OR5M11: variants seen among roughly 807,000 people sequenced by gnomAD.
The protein encoded by OR5M11 is olfactory receptor family 5 subfamily M member 11.
For missense variants in OR5M11, 411 were observed against 375.8 expected (o/e 1.09, Z -0.77); for synonymous variants, 183 against 147.7 (o/e 1.24, Z -1.73).
Position 56,542,422 on chromosome 11 carries a change from A to G in OR5M11, c.836T>C (p.Phe279Ser), listed in dbSNP as rs1322631953. The change falls in exon 1 of 1, where the codon TTT becomes TCT. Residue 279 changes from phenylalanine to serine, a missense_variant. Transcript: ENST00000528616. ...ESKIIAVFYT[F>S]VSPVLNPLIY... ...CAATGGATTAAGTACCGGACTCACA[A>G]AGGTGTAAAAGACAGCTATTATTTT... 3 of 1,613,466 alleles carry G rather than the reference A, an allele frequency of 1.9e-6. No individual in the cohort carries two copies. The highest frequency in any genetic ancestry group is 2.5e-6 in the Non-Finnish European group (3 of 1,179,568).
Position 56,542,433 on chromosome 11 carries a change from G to C in OR5M11, c.825C>G (p.Val275=). The change falls in exon 1 of 1, where the codon GTC becomes GTG. Residue 275 remains valine, a synonymous_variant. Transcript: ENST00000528616. The part of the protein sequence containing the change: ...KTVEESKIIA[V]FYTFVSPVLN... ...GTACCGGACTCACAAAGGTGTAAAA[G>C]ACAGCTATTATTTTAGATTCCTCAA... is the stretch of plus-strand genomic sequence containing the variant. 6.2e-7 allele frequency: 1 copy of C among 1,613,536 alleles called. No homozygotes were observed. Among genetic ancestry groups the C allele is most frequent in the Non-Finnish European group, 8.5e-7 (1 of 1,179,496 alleles).
At position 56,542,852 on chromosome 11, in the gene OR5M11, A is replaced by T. The variant is rs764018612; in HGVS notation, c.406T>A (p.Ser136Thr). ...YDPLRYSVKT[S>T]RRVCICLATF... ...GCCAAGCAGATGCAAACTCTCCTGG[A>T]CGTTTTCACACTGTAGCGCAGAGGG... Residue 136 changes from serine (S) to threonine (T), a missense_variant, in exon 1 of 1, where the codon TCC (serine) becomes ACC (threonine). Transcript: ENST00000528616. 92 of 1,614,014 alleles carry T rather than the reference A, an allele frequency of 5.7e-5. No individual in the cohort carries two copies. Among genetic ancestry groups the T allele is most frequent in the Non-Finnish European group, 7.5e-5 (89 of 1,179,984 alleles).
Position 56,543,149 on chromosome 11 carries a change from C to G in OR5M11, c.109G>C (p.Val37Leu). ...ATGCCCAGGTTGCCTAGCAGGGTGA[C>G]GAGGTAAACAACCAGAAACAGCACA... is the stretch of plus-strand genomic sequence containing the variant. ...LFVLFLVVYL[V>L]TLLGNLGMIM... The change falls in exon 1 of 1, where the codon GTC (valine) becomes CTC (leucine). Residue 37 changes from valine to leucine, a missense_variant. Transcript: ENST00000528616. 1 of 1,613,780 alleles carries G rather than the reference C, an allele frequency of 6.2e-7. No individual in the cohort carries two copies. Among genetic ancestry groups the G allele is most frequent in the Non-Finnish European group, 8.5e-7 (1 of 1,179,858 alleles).
In OR5M11 at chr11:56,542,905, G is replaced by A. The variant is rs147148807; in HGVS notation, c.353C>T (p.Ala118Val). ...ATATATGGCCACATAGCGGTCATAG[G>A]CCATTGCTGCCAGCATGTAAAACTC... ...LTEFYMLAAM[A>V]YDRYVAIYDP... is the part of the protein sequence containing the mutation. Residue 118 changes from alanine to valine, a missense_variant, in exon 1 of 1, where the codon GCC becomes GTC. Ala to Val is a moderately conservative substitution (Grantham distance 64). Transcript: ENST00000528616. The A allele has an allele frequency of 2.2e-5, 36 of 1,614,002 alleles. No homozygotes were observed. The African/African-American group carries it at 2.9e-4, about 13-fold the overall frequency.
rs115641774 is a variant in OR5M11, at chr11:56,543,135, G to T, written c.123C>A (p.Gly41=). The T allele has an allele frequency of 9.5e-4, 1,537 of 1,613,934 alleles. 17 individuals carry two copies. In the African/African-American group the frequency reaches 0.018, roughly 19 times the overall value. ...FLVVYLVTLL[G]NLGMIMLMRL... ...TCATTAACATTATCATGCCCAGGTTGCCTAGCAGGGTGACGAGGTAAACAA... is the reference window on the plus strand; with the variant it reads ...TCATTAACATTATCATGCCCAGGTTTCCTAGCAGGGTGACGAGGTAAACAA... The change falls in exon 1 of 1, where the codon GGC becomes GGA. Residue 41 remains glycine, a synonymous_variant. Transcript: ENST00000528616.
At position 56,542,793 on chromosome 11, in the gene OR5M11, T is replaced by C. The variant is rs753744753; in HGVS notation, c.465A>G (p.Gly155=). Reference sequence around the variant, plus strand: ...GGAAGGTCAGGATGGCCTGGAAGAGTCCATCTGAGAAGCCATAGACATAGG... The same window carrying C: ...GGAAGGTCAGGATGGCCTGGAAGAGCCCATCTGAGAAGCCATAGACATAGG... ...TFPYVYGFSD[G]LFQAILTFRL... Residue 155 remains glycine (G), a synonymous_variant, in exon 1 of 1, where the codon GGA becomes GGG. Transcript: ENST00000528616. 6.2e-7 allele frequency: 1 copy of C among 1,613,290 alleles called. No homozygotes were observed. Among genetic ancestry groups the C allele is most frequent in the African/African-American group, 1.3e-5 (1 of 74,892 alleles).
chr11:56,543,065 T>C lies in OR5M11; in HGVS notation c.193A>G (p.Asn65Asp), dbSNP rs375067123. 45 of 1,613,638 alleles carry C rather than the reference T, an allele frequency of 2.8e-5. No homozygotes were observed. In the African/African-American group the frequency reaches 5.7e-4, roughly 21 times the overall value. ...TAGCACAAATCCACAAAGGCTAAGT[T>C]AGTGAGGAAGAAGTACATGGGCGTG... The part of the protein sequence containing the change: ...LHTPMYFFLT[N>D]LAFVDLCYTS... The change falls in exon 1 of 1, where the codon AAC (asparagine) becomes GAC (aspartate). Residue 65 changes from asparagine to aspartate, a missense_variant. Coordinates refer to ENST00000528616, the MANE Select transcript of OR5M11 (RefSeq NM_001005245.1).
At position 56,542,884 on chromosome 11, in the gene OR5M11, A is replaced by G. The variant is rs1852854944; in HGVS notation, c.374T>C (p.Ile125Thr). ...AAMAYDRYVAIYDPLRYSVKT... is the reference protein window; with the variant it reads ...AAMAYDRYVATYDPLRYSVKT... ...CACACTGTAGCGCAGAGGGTCATAT[A>G]TGGCCACATAGCGGTCATAGGCCAT... is the stretch of plus-strand genomic sequence containing the variant. The change falls in exon 1 of 1, where the codon ATA becomes ACA. Residue 125 changes from isoleucine to threonine, a missense_variant. Transcript: ENST00000528616. 8.1e-6 allele frequency: 13 copies of G among 1,614,116 alleles called. No homozygotes were observed. The highest frequency in any genetic ancestry group is 1.1e-5 in the Non-Finnish European group (13 of 1,180,020).
Position 56,542,513 on chromosome 11 carries a change from G to A in OR5M11, c.745C>T (p.Leu249=). 2 of 1,613,978 alleles carry A rather than the reference G, an allele frequency of 1.2e-6. No individual in the cohort carries two copies. The highest frequency in any genetic ancestry group is 2.7e-5 in the African/African-American group (2 of 75,040). The change falls in exon 1 of 1, where the codon CTG becomes TTG. Residue 249 remains leucine, a synonymous_variant. Coordinates refer to ENST00000528616, the MANE Select transcript of OR5M11 (RefSeq NM_001005245.1). ...ATGCAAAAGAGAGTCCCATAAAACA[G>A]GGTGACAGCCATCATATGGGAACCA... ...TCGSHMMAVT[L]FYGTLFCMYI...
In OR5M11 at chr11:56,542,502, C is replaced by T. The variant is rs575907274; in HGVS notation, c.756G>A (p.Gly252=). The T allele has an allele frequency of 6.8e-6, 11 of 1,613,854 alleles. No homozygotes were observed. The South Asian group carries it at 1.1e-4, about 16-fold the overall frequency. ...SHMMAVTLFY[G]TLFCMYIRPP... is the part of the protein sequence containing the mutation. ...GTCTTATATACATGCAAAAGAGAGT[C>T]CCATAAAACAGGGTGACAGCCATCA... Residue 252 remains glycine (G), a synonymous_variant, in exon 1 of 1, where the codon GGG becomes GGA. Coordinates refer to ENST00000528616, the MANE Select transcript of OR5M11 (RefSeq NM_001005245.1).
In OR5M11 at chr11:56,542,631, G is replaced by A; in HGVS notation, c.627C>T (p.Ser209=). ...CATAGGACACCAAGACGATGGTGAG[G>A]GAGCTGGAGAGGTTGAAGCCAGCAG... ...FISAGFNLSS[S]LTIVLVSYAF... The change falls in exon 1 of 1, where the codon TCC becomes TCT. Residue 209 remains serine, a synonymous_variant. Transcript: ENST00000528616. 1.2e-6 allele frequency: 2 copies of A among 1,613,974 alleles called. No individual in the cohort carries two copies. The highest frequency in any genetic ancestry group is 2.2e-5 in the East Asian group (1 of 44,868).
In OR5M11 at chr11:56,543,152, G is replaced by C. The variant is rs144325910; in HGVS notation, c.106C>G (p.Leu36Val). 1,276 of 1,613,854 alleles carry C rather than the reference G, an allele frequency of 7.9e-4. 15 individuals are homozygous for C. The African/African-American group carries it at 0.015, about 19-fold the overall frequency. Reference protein sequence around the residue: ...LLFVLFLVVYLVTLLGNLGMI... With the variant: ...LLFVLFLVVYVVTLLGNLGMI... ...CCCAGGTTGCCTAGCAGGGTGACGA[G>C]GTAAACAACCAGAAACAGCACAAAA... is the stretch of plus-strand genomic sequence containing the variant. The change falls in exon 1 of 1, where the codon CTC (leucine) becomes GTC (valine). Residue 36 changes from leucine to valine, a missense_variant. Physicochemically the swap from Leu to Val is conservative, Grantham distance 32. Coordinates refer to ENST00000528616, the MANE Select transcript of OR5M11 (RefSeq NM_001005245.1).
At position 56,542,900 on chromosome 11, in the gene OR5M11, C is replaced by A; in HGVS notation, c.358G>T (p.Asp120Tyr). The change falls in exon 1 of 1, where the codon GAC (aspartate) becomes TAC (tyrosine). Residue 120 changes from aspartate to tyrosine, a missense_variant. Transcript: ENST00000528616. ...EFYMLAAMAYDRYVAIYDPLR... is the reference protein window; with the variant it reads ...EFYMLAAMAYYRYVAIYDPLR... ...GGGTCATATATGGCCACATAGCGGT[C>A]ATAGGCCATTGCTGCCAGCATGTAA... The A allele has an allele frequency of 6.2e-7, 1 of 1,614,010 alleles. No homozygotes were observed. Among genetic ancestry groups the A allele is most frequent in the South Asian group, 1.1e-5 (1 of 91,060 alleles).
rs1162215572 is a variant in OR5M11 at position 56,542,733 on chromosome 11, G to A, written c.525C>T (p.His175=). 4 of 1,613,748 alleles carry A rather than the reference G, an allele frequency of 2.5e-6. No homozygotes were observed. The highest frequency in any genetic ancestry group is 3.4e-6 in the Non-Finnish European group (4 of 1,179,872). The change falls in exon 1 of 1, where the codon CAC becomes CAT. Residue 175 remains histidine, a synonymous_variant. Transcript: ENST00000528616. ...LTFCRSSVIN[H]FYCADPPLIK... is the part of the protein sequence containing the mutation. ...TGAGCGGCGGGTCAGCACAGTAGAAGTGGTTGATGACACTGGATCTACAGA... is the reference window on the plus strand; with the variant it reads ...TGAGCGGCGGGTCAGCACAGTAGAAATGGTTGATGACACTGGATCTACAGA...
Position 56,543,145 on chromosome 11 carries a change from G to A in OR5M11, c.113C>T (p.Thr38Ile), listed in dbSNP as rs189657616. ...FVLFLVVYLV[T>I]LLGNLGMIML... ...TATCATGCCCAGGTTGCCTAGCAGG[G>A]TGACGAGGTAAACAACCAGAAACAG... Residue 38 changes from threonine (T) to isoleucine (I), a missense_variant, in exon 1 of 1, where the codon ACC (threonine) becomes ATC (isoleucine). Physicochemically the swap from Thr to Ile is moderately conservative, Grantham distance 89. Coordinates refer to ENST00000528616, the MANE Select transcript of OR5M11 (RefSeq NM_001005245.1). 274 of 1,613,902 alleles carry A rather than the reference G, an allele frequency of 1.7e-4. No individual in the cohort carries two copies. In the African/African-American group the frequency reaches 3.1e-3, roughly 19 times the overall value.
In OR5M11 at chr11:56,542,887, G is replaced by A. The variant is rs1309610948; in HGVS notation, c.371C>T (p.Ala124Val). Residue 124 changes from alanine (A) to valine (V), a missense_variant, in exon 1 of 1, where the codon GCC becomes GTC. Transcript: ENST00000528616. ...LAAMAYDRYVAIYDPLRYSVK... is the reference protein window; with the variant it reads ...LAAMAYDRYVVIYDPLRYSVK... ...ACTGTAGCGCAGAGGGTCATATATG[G>A]CCACATAGCGGTCATAGGCCATTGC... 1 of 1,613,978 alleles carries A rather than the reference G, an allele frequency of 6.2e-7. No individual in the cohort carries two copies. Among genetic ancestry groups the A allele is most frequent in the Admixed American group, 1.7e-5 (1 of 59,964 alleles).
rs1390447767 is a variant in OR5M11, at chr11:56,542,714, G to A, written c.544C>T (p.Pro182Ser). 11 of 1,613,756 alleles carry A rather than the reference G, an allele frequency of 6.8e-6. No individual in the cohort carries two copies. The highest frequency in any genetic ancestry group is 9.3e-6 in the Non-Finnish European group (11 of 1,179,880). Residue 182 changes from proline to serine, a missense_variant, in exon 1 of 1, where the codon CCG (proline) becomes TCG (serine). By Grantham distance (74) the Pro-to-Ser change is moderately conservative (BLOSUM62 -1). Coordinates refer to ENST00000528616, the MANE Select transcript of OR5M11 (RefSeq NM_001005245.1). ...VINHFYCADPPLIKLSCSDTY... is the reference protein window; with the variant it reads ...VINHFYCADPSLIKLSCSDTY... The stretch of plus-strand genomic sequence containing the variant: ...TCAGAACAAGAAAGCTTAATGAGCG[G>A]CGGGTCAGCACAGTAGAAGTGGTTG...
rs372489507 is a variant in OR5M11, at chr11:56,542,854, G to A, written c.404C>T (p.Thr135Met). The stretch of plus-strand genomic sequence containing the variant: ...CAAGCAGATGCAAACTCTCCTGGAC[G>A]TTTTCACACTGTAGCGCAGAGGGTC... ...IYDPLRYSVKTSRRVCICLAT... is the reference protein window; with the variant it reads ...IYDPLRYSVKMSRRVCICLAT... The change falls in exon 1 of 1, where the codon ACG becomes ATG. Residue 135 changes from threonine to methionine, a missense_variant. Transcript: ENST00000528616. The A allele has an allele frequency of 3.1e-6, 5 of 1,613,856 alleles. No homozygotes were observed. Among genetic ancestry groups the A allele is most frequent in the African/African-American group, 2.7e-5 (2 of 74,884 alleles).
chr11:56,543,062 A>T lies in OR5M11; in HGVS notation c.196T>A (p.Leu66Ile). The T allele has an allele frequency of 6.2e-7, 1 of 1,613,808 alleles. No individual in the cohort carries two copies. The highest frequency in any genetic ancestry group is 8.5e-7 in the Non-Finnish European group (1 of 1,179,934). ...HTPMYFFLTN[L>I]AFVDLCYTSN... is the part of the protein sequence containing the mutation. ...GTATAGCACAAATCCACAAAGGCTA[A>T]GTTAGTGAGGAAGAAGTACATGGGC... Residue 66 changes from leucine (L) to isoleucine (I), a missense_variant, in exon 1 of 1, where the codon TTA (leucine) becomes ATA (isoleucine). Transcript: ENST00000528616.
Sources: gnomAD v4.1 joint callset for allele counts on GRCh38, gnomAD v4.1.1 for gene constraint, MANE v1.5 for transcripts, NCBI Gene and HGNC (gene_info 2026-07-23, HGNC 2026-07-21) for gene names.